The following OSBPL10 variants were observed in gnomAD, a reference collection of about 807,000 sequenced individuals.
OSBPL10 encodes oxysterol binding protein like 10, also known as oxysterol-binding protein-related protein 10.
A neutral mutation model predicts 81.7 loss-of-function variants in OSBPL10; 49 were observed. The observed-to-expected ratio is 0.60, with a 90% CI of 0.48 to 0.76. OSBPL10 has a LOEUF of 0.76. Among genes scored for constraint, OSBPL10 ranks in the 30% least tolerant of loss-of-function variants. The pLI is 0.00. For synonymous variants in OSBPL10, 419 were observed against 383.6 expected, an observed-to-expected ratio of 1.09 and a Z score of -1.08; for missense variants, 923 against 987.8, an observed-to-expected ratio of 0.93 and a Z score of 0.88.
chr3:31,779,561 A>G (rs906964634), intron 4 of OSBPL10, among the ~76,000 whole-genome samples: 4 of 152,220 alleles, frequency 2.6e-5, no homozygotes, highest in South Asian at 2.1e-4. Context: ...TTATAAAACA[A>G]TTATTACTAG....
At chr3:31,846,932 C>T (rs1700648972) in intron 3 of OSBPL10, among the ~76,000 whole-genome samples, 1 of 152,168 alleles carries the variant, frequency 6.6e-6, no homozygotes, top group African/African-American at 2.4e-5. Flanking sequence ...CCCCAAGATC[C>T]AGCCTTCTGT....
chr3:31,937,098 C>G (rs1230079883), intron 1 of OSBPL10, among the ~76,000 whole-genome samples: 1 of 152,070 alleles, frequency 6.6e-6, no homozygotes, highest in Admixed American at 6.5e-5. Flanking sequence ...TCCTGGGCAA[C>G]ATGGTGAAAC....
At chr3:32,028,150 G>A (rs1020925261) in intron 2 of OSBPL10, among the ~76,000 whole-genome samples, 3 of 152,164 alleles carry the variant, frequency 2.0e-5, no homozygotes, top group African/African-American at 4.8e-5. Flanking sequence ...CCTGCTAAAG[G>A]AGGAGGACAT....
chr3:31,829,967 G>A (rs1700196137), intron 4 of OSBPL10, 73 bp downstream of exon 4: 1 of 1,413,084 alleles, frequency 7.1e-7, no homozygotes, highest in African/African-American at 1.4e-5. Context: ...CAAAGGAAGA[G>A]GAGTCGGCAG....
At chr3:31,926,018 T>C (rs1043670569) in intron 1 of OSBPL10, among the ~76,000 whole-genome samples, 30 of 152,262 alleles carry the variant, frequency 2.0e-4, no homozygotes, top group African/African-American at 7.0e-4. Context: ...GATATCTTTA[T>C]AGTAAAAGTA....
In OSBPL10 at chr3:31,981,201, C is replaced by A; in HGVS notation, c.-22G>T. ...CCATGGTCCGTGGGCGCCCGGGACG[C>A]GGGTGCCCGCCGCGGTGGCGGCCCC... On this transcript the variant is annotated 5_prime_UTR_variant, in exon 1 of 12. Coordinates refer to ENST00000396556, the MANE Select transcript of OSBPL10 (RefSeq NM_017784.5). The surrounding 1 kb of genome is among the most constrained non-coding windows in gnomAD (Gnocchi z 4.5). 1 of 1,332,904 alleles carries A rather than the reference C, an allele frequency of 7.5e-7. No individual in the cohort carries two copies. The highest frequency in any genetic ancestry group is 9.6e-7 in the Non-Finnish European group (1 of 1,042,932). 82.6% of individuals were successfully genotyped at this position (1,332,904 alleles called of 1,614,324 possible). A position where few individuals can be genotyped will look rare whatever the true frequency, so the allele number is the denominator to read the frequency against.
intron 1 of OSBPL10, among the ~76,000 whole-genome samples, chr3:32,049,417 A>T (rs910345019): frequency 2.0e-5 from 3 of 152,160 alleles, no homozygotes; most frequent in African/African-American, 7.2e-5. Flanking sequence ...GGTAGGATAC[A>T]TTTTACCCAG....
chr3:31,715,628 A>G (rs1425990919), intron 6 of OSBPL10, among the ~76,000 whole-genome samples: 1 of 152,248 alleles, frequency 6.6e-6, no homozygotes, highest in Admixed American at 6.5e-5. Context: ...TTTCAAAAAC[A>G]AACTGATGAA....
intron 4 of OSBPL10, among the ~76,000 whole-genome samples, chr3:31,785,535 G>C (rs1698839233): frequency 6.6e-6 from 1 of 152,100 alleles, no homozygotes; most frequent in Admixed American, 6.5e-5. Flanking sequence ...CTACTTACAA[G>C]CACAACGCAA....
At chr3:32,019,029 G>A (rs1699339226) in intron 2 of OSBPL10, among the ~76,000 whole-genome samples, 1 of 152,100 alleles carries the variant, frequency 6.6e-6, no homozygotes, top group Admixed American at 6.6e-5. Flanking sequence ...AGGAAAAAAA[G>A]GTAATTTCTG....
intron 3 of OSBPL10, among the ~76,000 whole-genome samples, chr3:31,859,565 C>T (rs1701011236): frequency 6.6e-6 from 1 of 152,178 alleles, no homozygotes; most frequent in Admixed American, 6.5e-5. Flanking sequence ...CATGATGGAC[C>T]CAATCTCCAT....
rs184712654 is a variant in OSBPL10, at chr3:32,074,111, G to A, written n.185+3285C>T. Among the ~76,000 whole-genome samples the A allele has an allele frequency of 1.9e-4, 29 of 152,044 alleles. No individual in the cohort carries two copies. In the East Asian group the frequency reaches 4.6e-3, roughly 24 times the overall value. On this transcript the variant is annotated intron_variant and non_coding_transcript_variant, in intron 1 of 3. Coordinates refer to the OSBPL10 transcript ENST00000479173. ...CACAGCCATCCCCGCTCTACAGGCC[G>A]ACTGGGCTACCTCTCCCACCTCCCT... is the stretch of plus-strand genomic sequence containing the variant.
chr3:31,704,730 A>T (rs1398633886), intron 6 of OSBPL10: 1 of 152,108 alleles, frequency 6.6e-6, no homozygotes, highest in African/African-American at 2.4e-5. Flanking sequence ...CTCACAAGCC[A>T]TTGCAGGGGA....
chr3:31,722,860 CA>C lies in OSBPL10; in HGVS notation c.1095+10396del, dbSNP rs1434442310. Among the ~76,000 whole-genome samples the C allele has an allele frequency of 3.9e-5, 6 of 152,076 alleles. No individual in the cohort carries two copies. The East Asian group carries it at 1.2e-3, about 29-fold the overall frequency. ...TGTAAATAAAGATTTGATACTCTTA[CA>C]ATATTAATTTTTAAATAACTATTAA... On this transcript the variant is annotated intron_variant, in intron 6 of 11. Transcript: ENST00000396556.
chr3:31,820,387 G>T (rs1699952783), intron 4 of OSBPL10, among the ~76,000 whole-genome samples: 3 of 152,094 alleles, frequency 2.0e-5, no homozygotes, highest in Non-Finnish European at 4.4e-5. Context: ...ATGAGGTCAG[G>T]AGTCCAAGAT....
chr3:31,861,490 G>T (rs937759353), intron 3 of OSBPL10, among the ~76,000 whole-genome samples: 1 of 152,106 alleles, frequency 6.6e-6, no homozygotes, highest in Admixed American at 6.5e-5. Flanking sequence ...GAATATTTGT[G>T]ATCCAGAGTT....
intron 3 of OSBPL10, among the ~76,000 whole-genome samples, chr3:31,841,784 T>C (rs1285272485): frequency 6.6e-6 from 1 of 152,234 alleles, no homozygotes; most frequent in Non-Finnish European, 1.5e-5. Context: ...TAGTCCCTAC[T>C]GTATTTGTGC....
chr3:31,851,921 T>C (rs1008883265), intron 3 of OSBPL10, among the ~76,000 whole-genome samples: 2 of 152,168 alleles, frequency 1.3e-5, no homozygotes, highest in Admixed American at 6.5e-5. Flanking sequence ...AAAGACATGA[T>C]GGATAGGCTG....
intron 4 of OSBPL10, among the ~76,000 whole-genome samples, chr3:31,759,243 C>A (rs749324081): frequency 1.3e-5 from 2 of 152,032 alleles, no homozygotes; most frequent in Non-Finnish European, 2.9e-5. Context: ...TGAGTAAGTG[C>A]CTCATATGCT....
Sources: gnomAD v4.1 joint callset for allele counts (sites outside exome capture counted in the v4.1 genomes callset) on GRCh38, gnomAD v4.1.1 for gene constraint, Gnocchi (gnomAD v3.1) non-coding constraint, MANE v1.5 for transcripts, NCBI Gene and HGNC (gene_info 2026-07-23, HGNC 2026-07-21) for gene names.